ARPC1A: variants seen among roughly 807,000 people sequenced by gnomAD.
ARPC1A encodes actin-related protein 2/3 complex subunit 1A.
A neutral mutation model predicts 46.9 loss-of-function variants in ARPC1A; 8 were observed. That is an observed-to-expected ratio of 0.17 (90% CI 0.10 to 0.31). ARPC1A has a LOEUF of 0.31. ARPC1A is among the 10% of genes least tolerant of loss of function. The pLI is 1.00. For missense variants in ARPC1A, 286 were observed against 483.6 expected (o/e 0.59, Z 3.83); for synonymous variants, 152 against 169.0 (o/e 0.90, Z 0.78).
At chr7:99,345,663 A>T (rs1463469541) in intron 4 of ARPC1A, among the ~76,000 whole-genome samples, 1 of 152,122 alleles carries the variant, frequency 6.6e-6, no homozygotes, top group Admixed American at 6.6e-5. Context: ...ATCTCAAAAA[A>T]AAAAAAAATT....
At chr7:99,353,713 A>G (rs1166409662) in intron 5 of ARPC1A, among the ~76,000 whole-genome samples, 196 bp from the exon 6 acceptor site, 1 of 146,776 alleles carries the variant, frequency 6.8e-6, no homozygotes. Flanking sequence ...TCCCGACCTC[A>G]GGTGATCCAC....
chr7:99,335,101 C>T (rs1215336672), intron 2 of ARPC1A, among the ~76,000 whole-genome samples: 4 of 152,128 alleles, frequency 2.6e-5, no homozygotes. Context: ...GCCTTGGCCT[C>T]CCAAAGTGCT....
intron 1 of ARPC1A, among the ~76,000 whole-genome samples, chr7:99,327,706 GA>G (rs977803768): frequency 5.9e-5 from 9 of 152,018 alleles, no homozygotes; most frequent in African/African-American, 2.4e-5. Flanking sequence ...GACCATTTCG[GA>G]AAACTCCTAT....
intron 5 of ARPC1A, among the ~76,000 whole-genome samples, chr7:99,350,089 G>T (rs116082704): frequency 6.6e-6 from 1 of 152,294 alleles, no homozygotes; most frequent in African/African-American, 2.4e-5. Context: ...GTGATTAAAA[G>T]AACAAGTTCA....
At chr7:99,338,378 A>ATTTTTTTTTTTTTTT (rs754747240) in intron 3 of ARPC1A, 93 bp downstream of exon 3, 4 of 243,094 alleles carry the variant, frequency 1.6e-5, no homozygotes, top group African/African-American at 9.5e-5. Flanking sequence ...GGTGGCCATA[A>ATTTTTTTTTTTTTTT]TTTTTTTTTT....
chr7:99,336,121 T>C (rs1793246581), intron 2 of ARPC1A, among the ~76,000 whole-genome samples: 1 of 152,194 alleles, frequency 6.6e-6, no homozygotes, highest in Non-Finnish European at 1.5e-5. Context: ...TTTTGGAGTA[T>C]TTCCAATTAT....
At chr7:99,354,903 G>A (rs989887060) in intron 6 of ARPC1A, among the ~76,000 whole-genome samples, 4 of 151,236 alleles carry the variant, frequency 2.6e-5, no homozygotes, top group South Asian at 2.1e-4. Context: ...ACTTGAGGTC[G>A]GGAGTTTGAG....
At chr7:99,353,030 C>G (rs1793570312) in intron 5 of ARPC1A, among the ~76,000 whole-genome samples, 1 of 151,930 alleles carries the variant, frequency 6.6e-6, no homozygotes, top group Non-Finnish European at 1.5e-5. Flanking sequence ...GTAGATAGCT[C>G]TAACAATAAT....
intron 1 of ARPC1A, among the ~76,000 whole-genome samples, chr7:99,331,462 CTT>C (rs1418257222): frequency 6.6e-6 from 1 of 151,672 alleles, no homozygotes; most frequent in Non-Finnish European, 1.5e-5. Flanking sequence ...TCCCTGAACA[CTT>C]CATCATTATC....
intron 3 of ARPC1A, among the ~76,000 whole-genome samples, chr7:99,343,065 C>T (rs1185772102): frequency 1.3e-5 from 2 of 151,794 alleles, no homozygotes; most frequent in African/African-American, 2.4e-5. Context: ...GTCTTTTTTC[C>T]ATATAAATGT....
At chr7:99,328,884 G>A (rs1284942965) in intron 1 of ARPC1A, among the ~76,000 whole-genome samples, 1 of 152,030 alleles carries the variant, frequency 6.6e-6, no homozygotes, top group East Asian at 1.9e-4. Flanking sequence ...CTGGGAAGCC[G>A]AGGTTGCAGT....
intron 5 of ARPC1A, 120 bp from the exon 6 acceptor site, chr7:99,353,789 T>C: frequency 9.7e-7 from 1 of 1,036,236 alleles, no homozygotes. Context: ...CATGTTTTAT[T>C]TTTTTTTAAT....
At chr7:99,337,228 C>A (rs1793269524) in intron 2 of ARPC1A, among the ~76,000 whole-genome samples, 2 of 152,108 alleles carry the variant, frequency 1.3e-5, no homozygotes, top group Admixed American at 1.3e-4. Context: ...TTGAAACCAG[C>A]CTGACCAACA....
intron 4 of ARPC1A, among the ~76,000 whole-genome samples, chr7:99,345,017 C>T (rs765440050): frequency 1.1e-4 from 15 of 140,470 alleles, no homozygotes; most frequent in Admixed American, 1.5e-4. Flanking sequence ...CTCACTGCAA[C>T]GTCCGCCCCC....
chr7:99,358,844 T>G (rs1363905500), intron 7 of ARPC1A: 1 of 154,676 alleles, frequency 6.5e-6, no homozygotes, highest in Non-Finnish European at 1.4e-5. Flanking sequence ...GAGGTCACTT[T>G]TTTTTTGGAG....
chr7:99,343,905 GGT>G (rs1318345758), intron 3 of ARPC1A, among the ~76,000 whole-genome samples: 1 of 152,064 alleles, frequency 6.6e-6, no homozygotes, highest in Non-Finnish European at 1.5e-5. Flanking sequence ...CATAGAATGA[GGT>G]GTGTTAATGA....
At chr7:99,349,976 A>G (rs1284377975) in intron 5 of ARPC1A, among the ~76,000 whole-genome samples, 1 of 152,182 alleles carries the variant, frequency 6.6e-6, no homozygotes, top group Admixed American at 6.6e-5. Context: ...ACACCACTGC[A>G]CTCCAGCCTG....
chr7:99,363,837 G>A (rs1012671565), intron 9 of ARPC1A, among the ~76,000 whole-genome samples: 3 of 151,978 alleles, frequency 2.0e-5, no homozygotes, highest in African/African-American at 4.8e-5. Flanking sequence ...ACCATGCTCC[G>A]TGAATATTTT....
chr7:99,329,274 C>A (rs532481874), intron 1 of ARPC1A, among the ~76,000 whole-genome samples: 14 of 150,012 alleles, frequency 9.3e-5, no homozygotes, highest in African/African-American at 3.4e-4. Context: ...GTACTCCAGC[C>A]TGGGCGACAG....
Sources: gnomAD v4.1 joint callset for allele counts (sites outside exome capture counted in the v4.1 genomes callset) on GRCh38, gnomAD v4.1.1 for gene constraint, MANE v1.5 for transcripts, NCBI Gene and HGNC (gene_info 2026-07-23, HGNC 2026-07-21) for gene names.